RNH1: variants seen among roughly 807,000 people sequenced by gnomAD.
The protein encoded by RNH1 is ribonuclease/angiogenin inhibitor 1.
Under a neutral mutation model 46.1 loss-of-function variants are expected in RNH1, and 38 were observed. The ratio of observed to expected loss-of-function variants is 0.82; its 90% CI spans 0.64 to 1.08. RNH1 has a LOEUF of 1.08. Among genes scored for constraint, RNH1 ranks in the 50% least tolerant of loss-of-function variants. The pLI is 0.00. For synonymous variants in RNH1, 319 were observed against 279.1 expected (o/e 1.14, Z -1.43); for missense variants, 577 against 590.7 (o/e 0.98, Z 0.24).
chr11:501,838 C>T lies in RNH1; in HGVS notation c.101+224G>A. 1.8e-6 allele frequency: 1 copy of T among 561,552 alleles called. No individual in the cohort carries two copies. The highest frequency in any genetic ancestry group is 2.9e-5 in the East Asian group (1 of 34,662). 34.8% of individuals were successfully genotyped at this position (561,552 alleles called of 1,614,324 possible). On this transcript the variant is annotated intron_variant, in intron 3 of 10. Transcript: ENST00000354420. This position sits in a 1 kb window ranked among gnomAD's most constrained non-coding sequence, Gnocchi z 4.1. The stretch of plus-strand genomic sequence containing the variant: ...ACTGGCCAGTGGCCGCCCACCTCGG[C>T]CCGCCCACCTCAGCCCATGCTGCAT...
At chr11:504,099 G>A (rs1357666304) in intron 2 of RNH1, among the ~76,000 whole-genome samples, 1 of 152,238 alleles carries the variant, frequency 6.6e-6, no homozygotes, top group African/African-American at 2.4e-5. Context: ...ACCTTACGGA[G>A]GGAGGTCTCC....
Position 507,229 on chromosome 11 carries a change from G to GCGCGGGCGTGTTCGAGCCGGCT in RNH1, c.-378_-377insAGCCGGCTCGAACACGCCCGCG. On this transcript the variant is annotated 5_prime_UTR_variant, in exon 1 of 11. Coordinates refer to ENST00000354420, the MANE Select transcript of RNH1 (RefSeq NM_203387.3). ...CGACAACCCCACCCGCCAGTCAGCG[G>GCGCGGGCGTGTTCGAGCCGGCT]CGCGGGCGTGTTCGAGCCGGCTCGT... is the stretch of plus-strand genomic sequence containing the variant. 1 of 152,272 alleles carries GCGCGGGCGTGTTCGAGCCGGCT rather than the reference G, an allele frequency of 6.6e-6. No individual in the cohort carries two copies. The highest frequency in any genetic ancestry group is 2.4e-5 in the African/African-American group (1 of 41,448). The allele number at this position is 152,272 out of a possible 1,614,324, so 9.4% of individuals were successfully genotyped here.
At chr11:495,723 T>A (rs1414251725) in intron 9 of RNH1, among the ~76,000 whole-genome samples, 1 of 152,150 alleles carries the variant, frequency 6.6e-6, no homozygotes, top group African/African-American at 2.4e-5. Flanking sequence ...CACAAGGTCC[T>A]GGCAGCCAGG....
chr11:499,788 G>A lies in RNH1; in HGVS notation c.443+41C>T, dbSNP rs766071185. ...ATGTAGGGGGCTGGCTGGGGGACAG[G>A]CAGCGGCCAGCATGGGCCCTGGGGC... On this transcript the variant is annotated intron_variant, in intron 5 of 10. Transcript: ENST00000354420. 7.0e-6 allele frequency: 11 copies of A among 1,581,798 alleles called. No individual in the cohort carries two copies. In the African/African-American group the frequency reaches 1.3e-4, roughly 19 times the overall value.
intron 5 of RNH1, chr11:499,390 C>G (rs537939234): frequency 1.1e-4 from 76 of 666,156 alleles, no homozygotes; most frequent in Non-Finnish European, 1.8e-4. Context: ...CCCCTCACCC[C>G]CTCCCGGACC....
chr11:501,060 T>C lies in RNH1; in HGVS notation c.102-406A>G. 2.8e-6 allele frequency: 1 copy of C among 354,342 alleles called. No homozygotes were observed. The highest frequency in any genetic ancestry group is 2.2e-5 in the South Asian group (1 of 45,922). The allele number at this position is 354,342 out of a possible 1,614,324, so 21.9% of individuals were successfully genotyped here. A position where few individuals can be genotyped will look rare whatever the true frequency, so the allele number is the denominator to read the frequency against. The stretch of plus-strand genomic sequence containing the variant: ...GGAGGATCACTTGAGCCCAGGAGGT[T>C]GAGGCCGCATAAGCCATGAGGGAGC... On this transcript the variant is annotated intron_variant, in intron 3 of 10. Coordinates refer to ENST00000354420, the MANE Select transcript of RNH1 (RefSeq NM_203387.3). The surrounding 1 kb of genome is among the most constrained non-coding windows in gnomAD (Gnocchi z 4.1).
intron 9 of RNH1, among the ~76,000 whole-genome samples, chr11:496,694 G>A (rs1338583350): frequency 6.6e-6 from 1 of 152,126 alleles, no homozygotes; most frequent in Non-Finnish European, 1.5e-5. Context: ...AAAATTAGCC[G>A]GGCATAATGG....
At chr11:499,297 G>T in intron 5 of RNH1, 112 bp from the exon 6 acceptor site, 1 of 1,200,858 alleles carries the variant, frequency 8.3e-7, no homozygotes, top group Non-Finnish European at 1.2e-6. Flanking sequence ...TTCTGCCTGG[G>T]CATCAGGTGT....
chr11:496,568 T>C (rs1849080504), intron 9 of RNH1, among the ~76,000 whole-genome samples: 1 of 151,820 alleles, frequency 6.6e-6, no homozygotes, highest in African/African-American at 2.4e-5. Flanking sequence ...ACTCGGGAGG[T>C]TGAGACAGGA....
intron 1 of RNH1, chr11:505,874 CT>C (rs35130438): frequency 0.13 from 14,910 of 118,098 alleles, 448 homozygotes; most frequent in Admixed American, 0.15. Flanking sequence ...CCTAATGTAA[CT>C]TTTTTTTTTT....
rs1848869426 is a variant in RNH1 at position 494,617 on chromosome 11, G to A, written c.*74C>T. ...CAAACCTAGGATATGCAGGGTGAGA[G>A]CATGGCAGGGGCTGGTGGGCCCCAG... On this transcript the variant is annotated 3_prime_UTR_variant, in exon 11 of 11. Coordinates refer to ENST00000354420, the MANE Select transcript of RNH1 (RefSeq NM_203387.3). 3 of 1,282,234 alleles carry A rather than the reference G, an allele frequency of 2.3e-6. No individual in the cohort carries two copies. Among genetic ancestry groups the A allele is most frequent in the East Asian group, 2.3e-5 (1 of 43,252 alleles). The allele number at this position is 1,282,234 out of a possible 1,614,324, so 79.4% of individuals were successfully genotyped here. A position where few individuals can be genotyped will look rare whatever the true frequency, so the allele number is the denominator to read the frequency against.
Position 502,057 on chromosome 11 carries a change from C to T in RNH1, c.101+5G>A, listed in dbSNP as rs1192947945. 13 of 1,608,782 alleles carry T rather than the reference C, an allele frequency of 8.1e-6. No individual in the cohort carries two copies. The highest frequency in any genetic ancestry group is 1.6e-4 in the Middle Eastern group (1 of 6,070). ...ACCCCAAGGCCACCCCGAGAGCAAG[C>T]GTACCTGACCACTTGGCACTGCTGG... On this transcript the variant is annotated splice_donor_5th_base_variant and intron_variant, in intron 3 of 10. Transcript: ENST00000354420. The surrounding 1 kb of genome is among the most constrained non-coding windows in gnomAD (Gnocchi z 5.8).
chr11:501,204 G>A lies in RNH1; in HGVS notation c.102-550C>T, dbSNP rs1039871817. 9 of 216,636 alleles carry A rather than the reference G, an allele frequency of 4.2e-5. No homozygotes were observed. Among genetic ancestry groups the A allele is most frequent in the Non-Finnish European group, 6.6e-5 (7 of 105,968 alleles). 13.4% of individuals were successfully genotyped at this position (216,636 alleles called of 1,614,324 possible). The stretch of plus-strand genomic sequence containing the variant: ...AGGCAGTGGCGTCACAGTGGAGAGG[G>A]TGGCAGACGGCGCCTGTGACAGGAC... On this transcript the variant is annotated intron_variant, in intron 3 of 10. Coordinates refer to ENST00000354420, the MANE Select transcript of RNH1 (RefSeq NM_203387.3). This position sits in a 1 kb window ranked among gnomAD's most constrained non-coding sequence, Gnocchi z 4.1.
chr11:504,394 C>T, intron 2 of RNH1: 1 of 154,232 alleles, frequency 6.5e-6, no homozygotes, highest in Admixed American at 6.5e-5. Context: ...CCTCTCTGCC[C>T]CCGCCCGCGC....
At chr11:498,235 G>T in intron 8 of RNH1, 94 bp from the exon 9 acceptor site, 1 of 1,413,254 alleles carries the variant, frequency 7.1e-7, no homozygotes, top group Non-Finnish European at 9.5e-7. Context: ...GTGGACCTGA[G>T]CAAAAACATC....
chr11:498,642 C>G lies in RNH1; in HGVS notation c.786-15G>C. The G allele has an allele frequency of 6.2e-7, 1 of 1,610,930 alleles. No homozygotes were observed. The highest frequency in any genetic ancestry group is 8.5e-7 in the Non-Finnish European group (1 of 1,179,700). The stretch of plus-strand genomic sequence containing the variant: ...ACTCCCAGATCCTGCAGGACATGGA[C>G]CACCACAGACTTTCCTCAGCACCGT... On this transcript the variant is annotated splice_polypyrimidine_tract_variant and intron_variant, in intron 7 of 10. Coordinates refer to ENST00000354420, the MANE Select transcript of RNH1 (RefSeq NM_203387.3).
chr11:500,841 G>A (rs186387559), intron 3 of RNH1, 187 bp from the exon 4 acceptor site: 105 of 773,978 alleles, frequency 1.4e-4, no homozygotes, highest in East Asian at 9.7e-4. Flanking sequence ...TAAGATGCTC[G>A]CACGTGGCCA....
At chr11:499,310 G>T in intron 5 of RNH1, 125 bp from the exon 6 acceptor site, 2 of 1,050,252 alleles carry the variant, frequency 1.9e-6, no homozygotes, top group Non-Finnish European at 1.4e-6. Flanking sequence ...TCAGGTGTCA[G>T]TGCTGAGGGA....
Position 506,880 on chromosome 11 carries a change from G to A in RNH1, c.-261+233C>T, listed in dbSNP as rs191358407. ...AAAGGGGAGCGTGCACCGCGATGAC[G>A]TCCTCAAGGCGCGCCACGTCCGCCC... On this transcript the variant is annotated intron_variant, in intron 1 of 10. Coordinates refer to ENST00000354420, the MANE Select transcript of RNH1 (RefSeq NM_203387.3). 8.5e-3 allele frequency: 1,299 copies of A among 152,388 alleles called. 14 individuals are homozygous for A. Among genetic ancestry groups the A allele is most frequent in the Non-Finnish European group, 0.013 (900 of 68,074 alleles). 9.4% of individuals were successfully genotyped at this position (152,388 alleles called of 1,614,324 possible). A position where few individuals can be genotyped will look rare whatever the true frequency, so the allele number is the denominator to read the frequency against.
Sources: gnomAD v4.1 joint callset for allele counts (sites outside exome capture counted in the v4.1 genomes callset) on GRCh38, gnomAD v4.1.1 for gene constraint, Gnocchi (gnomAD v3.1) non-coding constraint, MANE v1.5 for transcripts, NCBI Gene and HGNC (gene_info 2026-07-23, HGNC 2026-07-21) for gene names.